The following ROBO2 variants were observed in gnomAD, a reference collection of about 807,000 sequenced individuals.
ROBO2 encodes the protein roundabout homolog 2.
In ROBO2, 53 loss-of-function variants were observed where a neutral mutation model predicts 160.8. That is an observed-to-expected ratio of 0.33 (90% CI 0.26 to 0.41). The LOEUF is 0.41. Among genes scored for constraint, ROBO2 ranks in the 10% least tolerant of loss-of-function variants. The pLI is 1.00. For missense variants in ROBO2, 1,577 were observed against 1,722.4 expected, an observed-to-expected ratio of 0.92 and a Z score of 1.49; for synonymous variants, 664 against 611.7, an observed-to-expected ratio of 1.09 and a Z score of -1.26.
intron 2 of ROBO2, among the ~76,000 whole-genome samples, chr3:77,158,097 C>A (rs2078172175): frequency 6.6e-6 from 1 of 152,118 alleles, no homozygotes; most frequent in African/African-American, 2.4e-5. Flanking sequence ...GAGCTGTTCT[C>A]TTGCAGGCTG....
At chr3:77,586,988 A>G (rs2094067816) in intron 16 of ROBO2, among the ~76,000 whole-genome samples, 1 of 151,986 alleles carries the variant, frequency 6.6e-6, no homozygotes, top group Admixed American at 6.6e-5. Flanking sequence ...AATGGATTAT[A>G]AGTATGTATA....
chr3:77,615,157 C>A (rs924051713), intron 21 of ROBO2, among the ~76,000 whole-genome samples: 18 of 151,788 alleles, frequency 1.2e-4, no homozygotes, highest in African/African-American at 3.9e-4. Flanking sequence ...ACATAACTGT[C>A]CAAAAAAATA....
intron 2 of ROBO2, among the ~76,000 whole-genome samples, chr3:76,867,885 G>A (rs988247478): frequency 3.3e-5 from 5 of 152,130 alleles, no homozygotes; most frequent in Non-Finnish European, 7.4e-5. Context: ...AGTAATACTT[G>A]AGGCAAATGA....
chr3:76,981,733 C>T (rs2060109527), intron 2 of ROBO2, among the ~76,000 whole-genome samples: 1 of 152,080 alleles, frequency 6.6e-6, no homozygotes, highest in Non-Finnish European at 1.5e-5. Context: ...TTACAGGAAG[C>T]ATAGTGCTGA....
chr3:77,043,704 A>T (rs913366344), intron 1 of ROBO2, among the ~76,000 whole-genome samples: 2 of 152,144 alleles, frequency 1.3e-5, no homozygotes, highest in African/African-American at 4.8e-5. Context: ...TTTTGCAGTC[A>T]TTTATGGGAA....
chr3:77,416,277 T>C lies in ROBO2; in HGVS notation c.389-61137T>C, dbSNP rs78415633. Among the ~76,000 whole-genome samples the C allele has an allele frequency of 8.5e-4, 129 of 152,262 alleles. 2 individuals carry two copies. The East Asian group carries it at 0.023, about 27-fold the overall frequency. On this transcript the variant is annotated intron_variant, in intron 2 of 25. Transcript: ENST00000461745. ...ATTGGTCCATGGTGGGCCTGGAGAA[T>C]GCACCATTTAATTGGCTAAAGGCCT... is the stretch of plus-strand genomic sequence containing the variant.
chr3:76,096,029 A>C (rs2108128079), intron 2 of ROBO2, among the ~76,000 whole-genome samples: 1 of 152,312 alleles, frequency 6.6e-6, no homozygotes, highest in Non-Finnish European at 1.5e-5. Context: ...CATAAGGTAT[A>C]ACATAACAAA....
In ROBO2 at chr3:77,040,859, T is replaced by C. The variant is rs780991580; in HGVS notation, c.61+13T>C. 73 of 1,614,030 alleles carry C rather than the reference T, an allele frequency of 4.5e-5. No homozygotes were observed. The highest frequency in any genetic ancestry group is 5.8e-5 in the Non-Finnish European group (68 of 1,180,026). On this transcript the variant is annotated intron_variant, in intron 1 of 25. Transcript: ENST00000461745. The stretch of plus-strand genomic sequence containing the variant: ...GTTCGGGTTGATGGTAAGTTAAAAA[T>C]GCTTTCATCTTTTTTTGCGCCCCCC...
Position 76,905,451 on chromosome 3 carries a change from A to G in ROBO2, c.110-192563A>G, listed in dbSNP as rs149060897. Among the ~76,000 whole-genome samples, 938 of 152,288 alleles carry G rather than the reference A, an allele frequency of 6.2e-3. 10 individuals are homozygous for G. The highest frequency in any genetic ancestry group is 0.021 in the African/African-American group (866 of 41,564). ...TATATTTTTAACATTTACATTTTCAATTATCAGAATTTCTTGAGGATACTA... is the reference window on the plus strand; with the variant it reads ...TATATTTTTAACATTTACATTTTCAGTTATCAGAATTTCTTGAGGATACTA... On this transcript the variant is annotated intron_variant, in intron 2 of 26. Coordinates refer to the ROBO2 transcript ENST00000487694.
At chr3:76,001,055 G>A (rs550208748) in intron 2 of ROBO2, among the ~76,000 whole-genome samples, 1 of 151,780 alleles carries the variant, frequency 6.6e-6, no homozygotes, top group East Asian at 1.9e-4. Flanking sequence ...TTTTTGCAGG[G>A]GTATGTTGTT....
intron 2 of ROBO2, among the ~76,000 whole-genome samples, chr3:77,179,129 T>A (rs79789589): frequency 0.032 from 4,832 of 151,946 alleles, 100 homozygotes; most frequent in Non-Finnish European, 0.047. Context: ...TATTTTTTTT[T>A]AAAAATCTGT....
intron 2 of ROBO2, among the ~76,000 whole-genome samples, chr3:77,280,502 G>A (rs776869636): frequency 1.4e-4 from 22 of 152,096 alleles, no homozygotes; most frequent in Non-Finnish European, 2.4e-4. Flanking sequence ...CAGAGGATGG[G>A]CATCTGTTTC....
intron 8 of ROBO2, among the ~76,000 whole-genome samples, chr3:77,555,853 C>T (rs1426201509): frequency 6.6e-6 from 1 of 151,828 alleles, no homozygotes; most frequent in African/African-American, 2.4e-5. Context: ...TCATCTTTCA[C>T]CCATAACATC....
At position 76,678,266 on chromosome 3, in the gene ROBO2, T is replaced by C. The variant is rs114897586; in HGVS notation, c.110-419748T>C. ...GGTTACAGATGTGAGCCAACACACC[T>C]GGCTGAAAATATGCTTTTAATTGTC... is the stretch of plus-strand genomic sequence containing the variant. On this transcript the variant is annotated intron_variant, in intron 2 of 26. Transcript: ENST00000487694. Among the ~76,000 whole-genome samples, 411 of 152,240 alleles carry C rather than the reference T, an allele frequency of 2.7e-3. 2 individuals are homozygous for C. Among genetic ancestry groups the C allele is most frequent in the African/African-American group, 9.5e-3 (393 of 41,540 alleles).
intron 2 of ROBO2, among the ~76,000 whole-genome samples, chr3:76,900,892 A>G (rs1329624165): frequency 6.6e-6 from 1 of 152,204 alleles, no homozygotes; most frequent in Non-Finnish European, 1.5e-5. Context: ...AGCTCTGCTC[A>G]CAGTTACTCT....
chr3:76,447,202 A>G lies in ROBO2; in HGVS notation c.109+509600A>G, dbSNP rs560931654. ...ACTCAAACAAATTTACAAGAAAAAGACAAACAACCCCATCAAAAAGCGGGT... is the reference window on the plus strand; with the variant it reads ...ACTCAAACAAATTTACAAGAAAAAGGCAAACAACCCCATCAAAAAGCGGGT... On this transcript the variant is annotated intron_variant, in intron 2 of 26. Coordinates refer to the ROBO2 transcript ENST00000487694. Among the ~76,000 whole-genome samples, 91 of 152,290 alleles carry G rather than the reference A, an allele frequency of 6.0e-4. 6 individuals carry two copies. The South Asian group carries it at 0.018, about 30-fold the overall frequency.
At chr3:77,121,516 G>A (rs1193822526) in intron 2 of ROBO2, among the ~76,000 whole-genome samples, 1 of 151,938 alleles carries the variant, frequency 6.6e-6, no homozygotes, top group Non-Finnish European at 1.5e-5. Flanking sequence ...CCTCTCTTGG[G>A]TTCTCTGTGA....
intron 2 of ROBO2, among the ~76,000 whole-genome samples, chr3:76,898,081 A>T (rs1353141542): frequency 2.0e-5 from 3 of 152,066 alleles, no homozygotes; most frequent in African/African-American, 7.2e-5. Context: ...CTCATAAGGG[A>T]CATTCTCCTC....
intron 2 of ROBO2, among the ~76,000 whole-genome samples, chr3:76,946,951 T>C (rs2078589181): frequency 6.6e-6 from 1 of 152,250 alleles, no homozygotes; most frequent in Non-Finnish European, 1.5e-5. Context: ...CTTTCCGTAA[T>C]GTCCAATGTC....
Sources: gnomAD v4.1 joint callset for allele counts (sites outside exome capture counted in the v4.1 genomes callset) on GRCh38, gnomAD v4.1.1 for gene constraint, MANE v1.5 for transcripts, NCBI Gene and HGNC (gene_info 2026-07-23, HGNC 2026-07-21) for gene names.